Variants in GPR158 observed in about 807,000 individuals in gnomAD.
GPR158 encodes metabotropic glycine receptor.
In GPR158, 30 loss-of-function variants were observed where a neutral mutation model predicts 78.2. The ratio of observed to expected loss-of-function variants is 0.38; its 90% CI spans 0.29 to 0.52. The LOEUF is 0.52. GPR158 is among the 20% of genes least tolerant of loss of function. GPR158 has a pLI of 0.83. For synonymous variants in GPR158, 581 were observed against 591.1 expected, an observed-to-expected ratio of 0.98 and a Z score of 0.25; for missense variants, 1,463 against 1,523.5, an observed-to-expected ratio of 0.96 and a Z score of 0.66.
At chr10:25,405,957 G>C (rs371522218) in intron 3 of GPR158, among the ~76,000 whole-genome samples, 9 of 151,918 alleles carry the variant, frequency 5.9e-5, no homozygotes, top group African/African-American at 2.2e-4. Flanking sequence ...TCAAATCTGG[G>C]TGCACCATTC....
chr10:25,423,792 A>C (rs7916292), intron 4 of GPR158, among the ~76,000 whole-genome samples: 106,341 of 152,054 alleles, frequency 0.7, 38,207 homozygotes, highest in Non-Finnish European at 0.8. Flanking sequence ...CATTGATGGA[A>C]ATTTGGGTTG....
intron 5 of GPR158, among the ~76,000 whole-genome samples, chr10:25,514,190 A>G (rs1836128913): frequency 6.6e-6 from 1 of 152,140 alleles, no homozygotes; most frequent in Non-Finnish European, 1.5e-5. Flanking sequence ...GAGCTCCAGC[A>G]TTAGGTGCAT....
intron 4 of GPR158, among the ~76,000 whole-genome samples, chr10:25,442,325 T>G (rs1174487219): frequency 6.6e-6 from 1 of 151,854 alleles, no homozygotes; most frequent in African/African-American, 2.4e-5. Context: ...CAAACACGAG[T>G]GGCTCACCAG....
chr10:25,253,490 T>C (rs1295548225), intron 2 of GPR158, among the ~76,000 whole-genome samples: 2 of 152,202 alleles, frequency 1.3e-5, no homozygotes, highest in Non-Finnish European at 2.9e-5. Context: ...GAATCCTAAC[T>C]GAGAGTCCAC....
At chr10:25,389,174 TG>T (rs200471893) in intron 2 of GPR158, among the ~76,000 whole-genome samples, 1,610 of 151,722 alleles carry the variant, frequency 0.011, 8 homozygotes, top group Non-Finnish European at 0.016. Context: ...ACAGGGGAGG[TG>T]GTGCCTTTTC....
intron 2 of GPR158, among the ~76,000 whole-genome samples, chr10:25,328,651 G>A (rs1395887846): frequency 2.6e-5 from 4 of 151,904 alleles, no homozygotes; most frequent in Non-Finnish European, 4.4e-5. Context: ...AATTGGCCGG[G>A]CGTGGTACCT....
intron 2 of GPR158, among the ~76,000 whole-genome samples, chr10:25,282,222 A>C (rs1854285495): frequency 6.6e-6 from 1 of 152,182 alleles, no homozygotes; most frequent in Non-Finnish European, 1.5e-5. Flanking sequence ...TAAATAAATT[A>C]TACAGTATTT....
intron 5 of GPR158, among the ~76,000 whole-genome samples, chr10:25,483,377 C>A (rs1835685577): frequency 6.6e-6 from 1 of 151,928 alleles, no homozygotes; most frequent in Admixed American, 6.6e-5. Context: ...TTTTTCCTCC[C>A]CCCTTTCATG....
At chr10:25,262,139 A>G (rs760564466) in intron 2 of GPR158, among the ~76,000 whole-genome samples, 10 of 152,158 alleles carry the variant, frequency 6.6e-5, no homozygotes. Flanking sequence ...CATTGATTTT[A>G]GTGTCTACAA....
At chr10:25,262,441 A>C (rs1212155637) in intron 2 of GPR158, among the ~76,000 whole-genome samples, 1 of 152,172 alleles carries the variant, frequency 6.6e-6, no homozygotes, top group African/African-American at 2.4e-5. Flanking sequence ...AATATGGATA[A>C]AGGAAACCCA....
At chr10:25,591,201 A>G (rs1009189249) in intron 8 of GPR158, among the ~76,000 whole-genome samples, 5 of 152,106 alleles carry the variant, frequency 3.3e-5, no homozygotes, top group Non-Finnish European at 5.9e-5. Context: ...GAGTGTCACA[A>G]TGCAAGTTAG....
chr10:25,538,778 A>AT (rs1224869665), intron 5 of GPR158, among the ~76,000 whole-genome samples: 3 of 152,048 alleles, frequency 2.0e-5, no homozygotes, highest in Non-Finnish European at 4.4e-5. Flanking sequence ...GCTTTCCCAT[A>AT]TTTTTTATTT....
At chr10:25,279,657 T>G (rs940406812) in intron 2 of GPR158, among the ~76,000 whole-genome samples, 4 of 152,180 alleles carry the variant, frequency 2.6e-5, no homozygotes, top group African/African-American at 9.7e-5. Context: ...ACCTCGCAGC[T>G]ACACAGCTAG....
At chr10:25,238,843 G>A (rs1249098969) in intron 2 of GPR158, among the ~76,000 whole-genome samples, 3 of 152,190 alleles carry the variant, frequency 2.0e-5, no homozygotes, top group Non-Finnish European at 4.4e-5. Flanking sequence ...ATTAGAATAT[G>A]TTCTGTTCAA....
At chr10:25,387,280 G>C (rs1179246635) in intron 2 of GPR158, among the ~76,000 whole-genome samples, 1 of 152,094 alleles carries the variant, frequency 6.6e-6, no homozygotes, top group South Asian at 2.1e-4. Context: ...TACACTGATT[G>C]CTTTTTGTGT....
intron 4 of GPR158, among the ~76,000 whole-genome samples, chr10:25,446,256 CAG>C (rs944023027): frequency 3.3e-5 from 5 of 152,148 alleles, no homozygotes; most frequent in Admixed American, 2.6e-4. Context: ...AGAACTAGTG[CAG>C]AGATGCCTTA....
intron 1 of GPR158, among the ~76,000 whole-genome samples, chr10:25,210,657 G>A (rs1451329541): frequency 3.3e-5 from 5 of 152,042 alleles, no homozygotes; most frequent in Non-Finnish European, 5.9e-5. Context: ...GGCCTATTGG[G>A]TTTACTTTTT....
chr10:25,320,199 G>A (rs1413147746), intron 2 of GPR158, among the ~76,000 whole-genome samples: 1 of 152,094 alleles, frequency 6.6e-6, no homozygotes, highest in African/African-American at 2.4e-5. Context: ...GCTCCACATA[G>A]TATATCTCAC....
chr10:25,360,325 C>A (rs1370726553), intron 2 of GPR158, among the ~76,000 whole-genome samples: 2 of 152,112 alleles, frequency 1.3e-5, no homozygotes, highest in African/African-American at 2.4e-5. Flanking sequence ...AGCCTTTGCC[C>A]ATGCCTATGT....
Sources: gnomAD v4.1 joint callset for allele counts (sites outside exome capture counted in the v4.1 genomes callset) on GRCh38, gnomAD v4.1.1 for gene constraint, MANE v1.5 for transcripts, NCBI Gene and HGNC (gene_info 2026-07-23, HGNC 2026-07-21) for gene names.